The following BBS9 variants were observed in gnomAD, a reference collection of about 807,000 sequenced individuals.
BBS9 encodes the protein Bardet-Biedl syndrome 9.
A neutral mutation model predicts 117.7 loss-of-function variants in BBS9; 89 were observed. That is an observed-to-expected ratio of 0.76 (90% confidence interval 0.64 to 0.90). The LOEUF is 0.90. Ranked by LOEUF, BBS9 falls within the 40% of genes least tolerant of loss-of-function variation. The pLI is 0.00. For synonymous variants in BBS9, 379 were observed against 370.9 expected (o/e 1.02, Z -0.25); for missense variants, 982 against 1,042.2 (o/e 0.94, Z 0.80).
At chr7:33,375,597 T>TTC (rs1823714813) in intron 17 of BBS9, among the ~76,000 whole-genome samples, 2 of 92,662 alleles carry the variant, frequency 2.2e-5, no homozygotes, top group South Asian at 3.6e-4. Context: ...CTTTCTTTCT[T>TTC]TTTTTTTTTT....
intron 16 of BBS9, among the ~76,000 whole-genome samples, chr7:33,361,683 C>T (rs1002848563): frequency 2.0e-5 from 3 of 152,032 alleles, no homozygotes; most frequent in African/African-American, 7.2e-5. Context: ...TGCATTTCTT[C>T]TTTTAATTCC....
downstream of BBS9, among the ~76,000 whole-genome samples, chr7:33,609,568 A>G (rs1864757323): frequency 6.6e-6 from 1 of 152,148 alleles, no homozygotes; most frequent in African/African-American, 2.4e-5. Context: ...TATTAAATAT[A>G]TTCTTAACAG....
chr7:33,303,945 G>A (rs865897122), intron 9 of BBS9, among the ~76,000 whole-genome samples: 56 of 152,280 alleles, frequency 3.7e-4, no homozygotes, highest in Middle Eastern at 3.4e-3. Flanking sequence ...TAGGAAGTGA[G>A]GAGTGTCTCT....
chr7:33,413,003 A>G (rs1831404460), intron 19 of BBS9, among the ~76,000 whole-genome samples: 1 of 152,230 alleles, frequency 6.6e-6, no homozygotes, highest in South Asian at 2.1e-4. Flanking sequence ...AGGGAATGTT[A>G]TGGAACAATT....
rs752144853 is a variant in BBS9, at chr7:33,349,104, A to G, written c.1366A>G (p.Lys456Glu). ...GAACAGAGTGATATTGCAAAAAGCC[A>G]AATTATCAGTCTACGTGCAACCACC... The part of the protein sequence containing the change: ...LQNRVILQKA[K>E]LSVYVQPPLE... The change falls in exon 13 of 23, where the codon AAA becomes GAA. Residue 456 changes from lysine to glutamate, a missense_variant. Coordinates refer to ENST00000242067, the MANE Select transcript of BBS9 (RefSeq NM_198428.3). The G allele has an allele frequency of 9.9e-6, 16 of 1,613,282 alleles. No homozygotes were observed. In the South Asian group the frequency reaches 1.8e-4, roughly 18 times the overall value.
chr7:33,196,402 C>A (rs1784946611), intron 5 of BBS9, among the ~76,000 whole-genome samples: 1 of 152,102 alleles, frequency 6.6e-6, no homozygotes, highest in African/African-American at 2.4e-5. Context: ...TCTTTGATTG[C>A]CATCCAGAGA....
chr7:33,493,283 C>T (rs993504510), intron 19 of BBS9, among the ~76,000 whole-genome samples: 2 of 152,164 alleles, frequency 1.3e-5, no homozygotes, highest in East Asian at 1.9e-4. Context: ...TGTGAACCAC[C>T]GCGCCTGGCC....
intron 5 of BBS9, among the ~76,000 whole-genome samples, chr7:33,193,822 T>C (rs904808146): frequency 1.3e-5 from 2 of 152,194 alleles, no homozygotes; most frequent in African/African-American, 4.8e-5. Flanking sequence ...CTGAGAGATA[T>C]TCTTAGATTT....
chr7:33,416,932 ATCTTT>A (rs1832100675), intron 19 of BBS9, among the ~76,000 whole-genome samples: 1 of 152,110 alleles, frequency 6.6e-6, no homozygotes, highest in Admixed American at 6.6e-5. Context: ...TTCTATGAAA[ATCTTT>A]CATTTATCTA....
intron 9 of BBS9, among the ~76,000 whole-genome samples, chr7:33,332,723 AAAAC>A (rs1814393721): frequency 6.6e-6 from 1 of 152,126 alleles, no homozygotes; most frequent in Non-Finnish European, 1.5e-5. Context: ...ACAAAAAAGA[AAAAC>A]AAGATTGAAG....
intron 7 of BBS9, among the ~76,000 whole-genome samples, chr7:33,270,802 A>G (rs1241893568): frequency 6.6e-6 from 1 of 152,234 alleles, no homozygotes; most frequent in Non-Finnish European, 1.5e-5. Flanking sequence ...GATATCATTC[A>G]TGAAAAATTC....
At chr7:33,148,187 C>T (rs145782066) in intron 2 of BBS9, among the ~76,000 whole-genome samples, 2 of 152,092 alleles carry the variant, frequency 1.3e-5, no homozygotes, top group African/African-American at 2.4e-5. Context: ...GTCTAGTTTA[C>T]AGAATAGAGG....
chr7:33,282,414 C>A (rs187890166), intron 9 of BBS9, among the ~76,000 whole-genome samples: 82 of 152,124 alleles, frequency 5.4e-4, no homozygotes, highest in Admixed American at 9.8e-4. Flanking sequence ...ACTCTGTTGC[C>A]CAGACTGGAG....
chr7:33,594,030 G>T (rs1191433023), intron 21 of BBS9, among the ~76,000 whole-genome samples: 1 of 152,110 alleles, frequency 6.6e-6, no homozygotes, highest in Non-Finnish European at 1.5e-5. Context: ...CATTATTCAA[G>T]TTGTGGAAAC....
At chr7:33,181,652 G>A (rs1408157280) in intron 5 of BBS9, among the ~76,000 whole-genome samples, 1 of 152,126 alleles carries the variant, frequency 6.6e-6, no homozygotes, top group Non-Finnish European at 1.5e-5. Flanking sequence ...TTATTCCAAT[G>A]TTCAATTTAT....
At chr7:33,433,730 C>G (rs1364003900) in intron 19 of BBS9, among the ~76,000 whole-genome samples, 1 of 151,748 alleles carries the variant, frequency 6.6e-6, no homozygotes, top group Non-Finnish European at 1.5e-5. Flanking sequence ...TTGGTGCCAA[C>G]TGGAATGAAA....
At chr7:33,527,123 G>T (rs996242618) in intron 20 of BBS9, among the ~76,000 whole-genome samples, 9 of 152,050 alleles carry the variant, frequency 5.9e-5, no homozygotes, top group East Asian at 3.9e-4. Context: ...CTCCAGCTGC[G>T]TACTGGGAGA....
intron 18 of BBS9, among the ~76,000 whole-genome samples, chr7:33,387,512 TTTAG>T (rs1328714786): frequency 6.6e-6 from 1 of 152,150 alleles, no homozygotes; most frequent in Non-Finnish European, 1.5e-5. Context: ...TTTTGTTTTT[TTTAG>T]TTAGTAATTT....
chr7:33,422,130 T>C (rs1343638588), intron 19 of BBS9, among the ~76,000 whole-genome samples: 1 of 152,198 alleles, frequency 6.6e-6, no homozygotes, highest in African/African-American at 2.4e-5. Context: ...TTCTTGTAAA[T>C]ATAAATTGTA....
Sources: allele counts gnomAD v4.1 joint callset (sites outside exome capture counted in the v4.1 genomes callset), GRCh38; gene constraint gnomAD v4.1.1; transcripts MANE v1.5; gene names NCBI Gene and HGNC (gene_info 2026-07-23, HGNC 2026-07-21).